Variants in KCTD7 observed in about 807,000 individuals in gnomAD.
The protein encoded by KCTD7 is potassium channel tetramerization domain containing 7.
KCTD7 carries 15 observed loss-of-function variants against 27.0 expected under a neutral mutation model. That is an observed-to-expected ratio of 0.56 (90% CI 0.37 to 0.86). KCTD7 has a LOEUF of 0.86. KCTD7 is among the 40% of genes least tolerant of loss of function. KCTD7 has a pLI of 0.00. For missense variants in KCTD7, 299 were observed against 398.9 expected, an observed-to-expected ratio of 0.75 and a Z score of 2.13; for synonymous variants, 159 against 162.7, an observed-to-expected ratio of 0.98 and a Z score of 0.17.
chr7:66,640,162 CTT>C lies in KCTD7; in HGVS notation c.*932_*933del, dbSNP rs1465312227. On this transcript the variant is annotated 3_prime_UTR_variant, in exon 4 of 4. Coordinates refer to ENST00000639828, the MANE Select transcript of KCTD7 (RefSeq NM_153033.5). Reference sequence around the variant, plus strand: ...ACCTCTTTGGAAGGGGACCCCCTCTCTTTAAACCCTGTTCCTCTGTCCTGGTA... The same window carrying C: ...ACCTCTTTGGAAGGGGACCCCCTCTCTAAACCCTGTTCCTCTGTCCTGGTA... 8 of 1,399,306 alleles carry C rather than the reference CTT, an allele frequency of 5.7e-6. No homozygotes were observed. The African/African-American group carries it at 1.2e-4, about 20-fold the overall frequency. 86.7% of individuals were successfully genotyped at this position (1,399,306 alleles called of 1,614,324 possible).
chr7:66,633,514 C>G, intron 2 of KCTD7, 70 bp downstream of exon 2: 1 of 1,388,620 alleles, frequency 7.2e-7, no homozygotes, highest in Non-Finnish European at 1.0e-6. Context: ...AGTATGGGAC[C>G]TTGATATCTT....
At chr7:66,638,597 G>T in intron 3 of KCTD7, 166 bp downstream of exon 3, 2 of 880,048 alleles carry the variant, frequency 2.3e-6, no homozygotes, top group South Asian at 1.7e-5. Flanking sequence ...TTCAGGTTAA[G>T]GTGGGCCTAC....
chr7:66,629,019 C>A lies in KCTD7; in HGVS notation c.-46C>A. 6.8e-7 allele frequency: 1 copy of A among 1,476,832 alleles called. No homozygotes were observed. Among genetic ancestry groups the A allele is most frequent in the South Asian group, 1.3e-5 (1 of 78,114 alleles). The allele number at this position is 1,476,832 out of a possible 1,614,324, so 91.5% of individuals were successfully genotyped here. Reference sequence around the variant, plus strand: ...GGCGGTAGGGAGTGCCCGGGGCCGCCGCCTCCGCCCGCCCGAAGCCGCGCC... The same window carrying A: ...GGCGGTAGGGAGTGCCCGGGGCCGCAGCCTCCGCCCGCCCGAAGCCGCGCC... On this transcript the variant is annotated 5_prime_UTR_variant, in exon 1 of 4. Transcript: ENST00000639828.
In KCTD7 at chr7:66,639,648, G is replaced by T; in HGVS notation, c.*416G>T. 3.0e-6 allele frequency: 4 copies of T among 1,343,158 alleles called. No homozygotes were observed. In the East Asian group the frequency reaches 8.8e-5, roughly 30 times the overall value. 83.2% of individuals were successfully genotyped at this position (1,343,158 alleles called of 1,614,324 possible). On this transcript the variant is annotated 3_prime_UTR_variant, in exon 4 of 4. Transcript: ENST00000639828. ...CCCTGTTCAAGCGTCCCTCCCTTGT[G>T]CTCAGTATATTGGTGTGAACACGGA...
chr7:66,638,912 C>A lies in KCTD7; in HGVS notation c.550C>A (p.Arg184Ser). ...GCTGCGTGCGGTCCAGCGGAAGGCCCGCTTTGCCAAGCTCAAGGTCTGTGT... is the reference window on the plus strand; with the variant it reads ...GCTGCGTGCGGTCCAGCGGAAGGCCAGCTTTGCCAAGCTCAAGGTCTGTGT... Reference protein sequence around the residue: ...ARLRAVQRKARFAKLKVCVFK... With the variant: ...ARLRAVQRKASFAKLKVCVFK... Residue 184 changes from arginine (R) to serine (S), a missense_variant, in exon 4 of 4, where the codon CGC becomes AGC. By Grantham distance (110) the Arg-to-Ser change is moderately radical. Coordinates refer to ENST00000639828, the MANE Select transcript of KCTD7 (RefSeq NM_153033.5). 1 of 1,614,154 alleles carries A rather than the reference C, an allele frequency of 6.2e-7. No individual in the cohort carries two copies. Among genetic ancestry groups the A allele is most frequent in the Non-Finnish European group, 8.5e-7 (1 of 1,180,032 alleles).
chr7:66,641,318 G>GCAGA lies in KCTD7; in HGVS notation c.*2088_*2091dup. On this transcript the variant is annotated 3_prime_UTR_variant, in exon 4 of 4. Coordinates refer to ENST00000639828, the MANE Select transcript of KCTD7 (RefSeq NM_153033.5). ...TATGTGTTCATTTTTTGACAGAGAG[G>GCAGA]CAGACTATTGAAAAAGTCTGTGTGA... The GCAGA allele has an allele frequency of 8.1e-6, 8 of 985,282 alleles. No individual in the cohort carries two copies. Among genetic ancestry groups the GCAGA allele is most frequent in the Non-Finnish European group, 9.6e-6 (8 of 829,864 alleles). 61.0% of individuals were successfully genotyped at this position (985,282 alleles called of 1,614,324 possible).
intron 2 of KCTD7, among the ~76,000 whole-genome samples, chr7:66,634,222 C>G (rs1786529352): frequency 6.8e-6 from 1 of 147,350 alleles, no homozygotes. Flanking sequence ...ATCTATCTAT[C>G]TATCTATAAA....
Position 66,638,838 on chromosome 7 carries a change from T to G in KCTD7, c.494-18T>G, listed in dbSNP as rs779759931. On this transcript the variant is annotated intron_variant, in intron 3 of 3. Transcript: ENST00000639828. ...TGCCTCTTCACCCTAGTGATAGGTG[T>G]TGTGTTCATCCTTATAGACCACTTG... 1 of 1,613,784 alleles carries G rather than the reference T, an allele frequency of 6.2e-7. No individual in the cohort carries two copies. Among genetic ancestry groups the G allele is most frequent in the Non-Finnish European group, 8.5e-7 (1 of 1,179,990 alleles).
rs901211446 is a variant in KCTD7, at chr7:66,642,563, G to A, written c.*3331G>A. ...AAAACAAAAACTACTGATGCTGAGC[G>A]TTTTGATCCTAGTAATATTTCAAAT... On this transcript the variant is annotated 3_prime_UTR_variant, in exon 4 of 4. Coordinates refer to ENST00000639828, the MANE Select transcript of KCTD7 (RefSeq NM_153033.5). 4 of 985,286 alleles carry A rather than the reference G, an allele frequency of 4.1e-6. No homozygotes were observed. Among genetic ancestry groups the A allele is most frequent in the South Asian group, 9.4e-5 (2 of 21,292 alleles). The allele number at this position is 985,286 out of a possible 1,614,324, so 61.0% of individuals were successfully genotyped here. A position where few individuals can be genotyped will look rare whatever the true frequency, so the allele number is the denominator to read the frequency against.
rs375586745 is a variant in KCTD7 at position 66,633,396 on chromosome 7, C to T, written c.266C>T (p.Thr89Met). ...AMFSGRHYIP[T>M]DSEGRYFIDR... ...TTCAGTGGGCGGCACTACATCCCCACGGACTCCGAGGGCCGGTACTTCATC... is the reference window on the plus strand; with the variant it reads ...TTCAGTGGGCGGCACTACATCCCCATGGACTCCGAGGGCCGGTACTTCATC... The change falls in exon 2 of 4, where the codon ACG (threonine) becomes ATG (methionine). Residue 89 changes from threonine to methionine, a missense_variant. Coordinates refer to ENST00000639828, the MANE Select transcript of KCTD7 (RefSeq NM_153033.5). 3.6e-5 allele frequency: 58 copies of T among 1,614,002 alleles called. No individual in the cohort carries two copies. Among genetic ancestry groups the T allele is most frequent in the African/African-American group, 8.0e-5 (6 of 74,912 alleles).
chr7:66,638,546 A>T (rs1786638219), intron 3 of KCTD7, 115 bp downstream of exon 3: 3 of 1,170,168 alleles, frequency 2.6e-6, no homozygotes, highest in Non-Finnish European at 3.7e-6. Context: ...ATTACTCAAG[A>T]TGCGATGGAG....
At chr7:66,636,790 A>C (rs1786597250) in intron 2 of KCTD7, among the ~76,000 whole-genome samples, 1 of 152,290 alleles carries the variant, frequency 6.6e-6, no homozygotes, top group African/African-American at 2.4e-5. Flanking sequence ...AGAAGAAAAA[A>C]AATCTGAAAA....
Position 66,641,071 on chromosome 7 carries a change from T to C in KCTD7, c.*1839T>C, listed in dbSNP as rs137946765. 475 of 985,398 alleles carry C rather than the reference T, an allele frequency of 4.8e-4. 1 individual carries two copies. Among genetic ancestry groups the C allele is most frequent in the Admixed American group, 1.8e-3 (30 of 16,280 alleles). The allele number at this position is 985,398 out of a possible 1,614,324, so 61.0% of individuals were successfully genotyped here. ...GTTTTGCACTCCTGTTGTACTCTTT[T>C]AGAGGTGGAAAAGAGGTGGATACTG... On this transcript the variant is annotated 3_prime_UTR_variant, in exon 4 of 4. Transcript: ENST00000639828.
intron 1 of KCTD7, 132 bp from the exon 2 acceptor site, chr7:66,633,143 T>G: frequency 1.2e-6 from 1 of 856,052 alleles, no homozygotes; most frequent in Non-Finnish European, 1.9e-6. Flanking sequence ...AAGAAAGTGT[T>G]CAGATGGACC....
At chr7:66,638,016 T>C (rs1786626425) in intron 2 of KCTD7, among the ~76,000 whole-genome samples, 2 of 152,326 alleles carry the variant, frequency 1.3e-5, no homozygotes. Flanking sequence ...ATAACACTTA[T>C]TGAGGCCCTA....
intron 2 of KCTD7, among the ~76,000 whole-genome samples, chr7:66,634,890 C>T (rs925781291): frequency 9.9e-5 from 15 of 152,160 alleles, no homozygotes; most frequent in African/African-American, 3.6e-4. Context: ...GTGGTACTTG[C>T]CTGTAGTCAC....
chr7:66,634,283 C>A (rs1786534828), intron 2 of KCTD7, among the ~76,000 whole-genome samples: 1 of 151,522 alleles, frequency 6.6e-6, no homozygotes, highest in Non-Finnish European at 1.5e-5. Flanking sequence ...AAGCTCCTGG[C>A]CTTAGGCAGT....
At position 66,639,767 on chromosome 7, in the gene KCTD7, G is replaced by T. The variant is rs1455764731; in HGVS notation, c.*535G>T. The T allele has an allele frequency of 4.0e-6, 5 of 1,250,640 alleles. No homozygotes were observed. In the African/African-American group the frequency reaches 7.7e-5, roughly 19 times the overall value. The allele number at this position is 1,250,640 out of a possible 1,614,324, so 77.5% of individuals were successfully genotyped here. Reference sequence around the variant, plus strand: ...TCCCACTGCACCCCTTCTCCTCCAAGAATAGTTGCCCACATTCCCAAAATG... The same window carrying T: ...TCCCACTGCACCCCTTCTCCTCCAATAATAGTTGCCCACATTCCCAAAATG... On this transcript the variant is annotated 3_prime_UTR_variant, in exon 4 of 4. Coordinates refer to ENST00000639828, the MANE Select transcript of KCTD7 (RefSeq NM_153033.5).
intron 1 of KCTD7, among the ~76,000 whole-genome samples, chr7:66,631,938 CTT>C: frequency 6.6e-6 from 1 of 152,266 alleles, no homozygotes; most frequent in East Asian, 1.9e-4. Flanking sequence ...CTTTCCCTGT[CTT>C]TGGGAAGCTT....
Sources: gnomAD v4.1 joint callset for allele counts (sites outside exome capture counted in the v4.1 genomes callset) on GRCh38, gnomAD v4.1.1 for gene constraint, MANE v1.5 for transcripts, NCBI Gene and HGNC (gene_info 2026-07-23, HGNC 2026-07-21) for gene names.